SLC6A15: variants seen among roughly 807,000 people sequenced by gnomAD.
SLC6A15 encodes solute carrier family 6 member 15, also known as sodium-dependent neutral amino acid transporter B(0)AT2.
In SLC6A15, 33 loss-of-function variants were observed where a neutral mutation model predicts 68.5. The ratio of observed to expected loss-of-function variants is 0.48; its 90% CI spans 0.37 to 0.64. The LOEUF (loss-of-function observed/expected upper bound fraction) is 0.64, where lower values mean the gene tolerates loss of function less well. Ranked by LOEUF, SLC6A15 falls within the 30% of genes least tolerant of loss-of-function variation. The probability of loss-of-function intolerance (pLI) is 0.00; values close to 1 mark genes in which losing one functional copy is unlikely to be tolerated. For missense variants in SLC6A15, 747 were observed against 874.3 expected, an observed-to-expected ratio of 0.85 and a Z score of 1.84; for synonymous variants, 347 against 301.0, an observed-to-expected ratio of 1.15 and a Z score of -1.58.
chr12:84,910,156 A>C (rs1016974699), intron 1 of SLC6A15, among the ~76,000 whole-genome samples: 1 of 152,174 alleles, frequency 6.6e-6, no homozygotes, highest in Admixed American at 6.5e-5. Flanking sequence ...TTCGATTAAA[A>C]TACTACATCT....
In SLC6A15 at chr12:84,863,545, T is replaced by C. The variant is rs1342861741; in HGVS notation, c.1712A>G (p.Tyr571Cys). 1.9e-6 allele frequency: 3 copies of C among 1,591,890 alleles called. No individual in the cohort carries two copies. Among genetic ancestry groups the C allele is most frequent in the African/African-American group, 1.4e-5 (1 of 73,390 alleles). Residue 571 changes from tyrosine (Y) to cysteine (C), a missense_variant, in exon 11 of 12, where the codon TAT (tyrosine) becomes TGT (cysteine). Coordinates refer to ENST00000266682, the MANE Select transcript of SLC6A15 (RefSeq NM_182767.6). ...LGFAPSRYYY[Y>C]MWKYISPLML... ...TAGAGGAGAAATATATTTCCACATATAGTAGTAATATCTGCTGGGAGCAAA... is the reference window on the plus strand; with the variant it reads ...TAGAGGAGAAATATATTTCCACATACAGTAGTAATATCTGCTGGGAGCAAA...
intron 1 of SLC6A15, among the ~76,000 whole-genome samples, chr12:84,904,224 G>GGGGAGAGA (rs1555183253): frequency 2.5e-5 from 3 of 122,014 alleles, no homozygotes; most frequent in South Asian, 2.7e-4. Context: ...GGGCGGAGGG[G>GGGGAGAGA]GAGAGAGAGA....
intron 5 of SLC6A15, among the ~76,000 whole-genome samples, chr12:84,878,187 A>G (rs1592599358): frequency 6.6e-6 from 1 of 152,228 alleles, no homozygotes; most frequent in East Asian, 1.9e-4. Context: ...ATACTTTAGA[A>G]CACAATATTT....
intron 5 of SLC6A15, chr12:84,880,967 C>A: frequency 1.4e-6 from 1 of 696,384 alleles, no homozygotes. Flanking sequence ...TTCTGGCCAA[C>A]TATTTATTTT....
intron 2 of SLC6A15, among the ~76,000 whole-genome samples, chr12:84,889,237 T>A (rs1260683698): frequency 2.6e-5 from 4 of 152,204 alleles, no homozygotes; most frequent in Non-Finnish European, 5.9e-5. Context: ...ATGCCTGTAG[T>A]CCCAGCACTT....
chr12:84,867,186 A>G lies in SLC6A15; in HGVS notation c.1503T>C (p.Cys501=). ...GGCCAATACAAAATGCCAGAAGACA[A>G]CAGATAACTAGACAAAAGAAATAAA... ...KVRKEILTVI[C]CLLAFCIGLI... is the part of the protein sequence containing the mutation. The change falls in exon 10 of 12, where the codon TGT becomes TGC. Residue 501 remains cysteine, a synonymous_variant. Coordinates refer to ENST00000266682, the MANE Select transcript of SLC6A15 (RefSeq NM_182767.6). The G allele has an allele frequency of 6.3e-7, 1 of 1,594,840 alleles. No individual in the cohort carries two copies. Among genetic ancestry groups the G allele is most frequent in the Non-Finnish European group, 8.5e-7 (1 of 1,172,114 alleles).
At chr12:84,877,303 C>T (rs1205238545) in intron 5 of SLC6A15, among the ~76,000 whole-genome samples, 2 of 152,158 alleles carry the variant, frequency 1.3e-5, no homozygotes, top group East Asian at 3.9e-4. Context: ...AAAATGGCCC[C>T]ACCCTCCATC....
intron 1 of SLC6A15, among the ~76,000 whole-genome samples, chr12:84,909,100 T>C (rs1330970154): frequency 1.3e-5 from 2 of 152,136 alleles, no homozygotes; most frequent in African/African-American, 4.8e-5. Flanking sequence ...TATTACCAAA[T>C]AGCCCTTGAT....
At chr12:84,868,981 A>G (rs1200414845) in intron 9 of SLC6A15, among the ~76,000 whole-genome samples, 1 of 152,140 alleles carries the variant, frequency 6.6e-6, no homozygotes, top group Non-Finnish European at 1.5e-5. Flanking sequence ...GCAGTTTCTC[A>G]TTTCTGTTCA....
At chr12:84,909,727 G>A (rs1179273878) in intron 1 of SLC6A15, among the ~76,000 whole-genome samples, 1 of 152,136 alleles carries the variant, frequency 6.6e-6, no homozygotes, top group African/African-American at 2.4e-5. Flanking sequence ...TCCACAAGGT[G>A]AGAGGTCCAT....
intron 2 of SLC6A15, among the ~76,000 whole-genome samples, chr12:84,886,827 CAT>C (rs1872130531): frequency 6.6e-6 from 1 of 152,118 alleles, no homozygotes; most frequent in African/African-American, 2.4e-5. Flanking sequence ...CAAATTAAGA[CAT>C]ATGACTATGA....
Position 84,910,928 on chromosome 12 carries a change from C to CGTGTGTGTGTGTGTGTGTGTGTGTGTGT in SLC6A15, c.-189+1594_-189+1595insACACACACACACACACACACACACACAC, listed in dbSNP as rs34335324. Among the ~76,000 whole-genome samples, 4 of 143,546 alleles carry CGTGTGTGTGTGTGTGTGTGTGTGTGTGT rather than the reference C, an allele frequency of 2.8e-5. No homozygotes were observed. The East Asian group carries it at 5.9e-4, about 21-fold the overall frequency. 94.2% of individuals were successfully genotyped at this position (143,546 alleles called of 152,430 possible). On this transcript the variant is annotated intron_variant, in intron 1 of 11. Transcript: ENST00000266682. ...ATTTGCTGTTGAGCCGCCCTCTTTC[C>CGTGTGTGTGTGTGTGTGTGTGTGTGTGT]GTGTGTGTGTGTGTGTGTGTGTGTG...
intron 2 of SLC6A15, among the ~76,000 whole-genome samples, chr12:84,890,438 CT>C (rs1219074401): frequency 6.6e-6 from 1 of 152,122 alleles, no homozygotes; most frequent in Non-Finnish European, 1.5e-5. Flanking sequence ...TTCTGCTAGT[CT>C]TGGCAAATGG....
At chr12:84,876,642 C>A in intron 5 of SLC6A15, 35 bp from the exon 6 acceptor site, 8 of 1,023,450 alleles carry the variant, frequency 7.8e-6, no homozygotes, top group Non-Finnish European at 1.2e-5. Flanking sequence ...AAGTGAGATA[C>A]AATGACCATT....
Position 84,885,935 on chromosome 12 carries a change from G to C in SLC6A15, c.423C>G (p.Gly141=), listed in dbSNP as rs767044182. 3.7e-6 allele frequency: 6 copies of C among 1,607,888 alleles called. No individual in the cohort carries two copies. The East Asian group carries it at 1.3e-4, about 36-fold the overall frequency. The change falls in exon 3 of 12, where the codon GGC becomes GGG. Residue 141 remains glycine, a synonymous_variant. Transcript: ENST00000266682. Reference sequence around the variant, plus strand: ...CTACACAACTTGCAAATCCAATCCCGCCCAGTTTAGGGCTTATGTAATTCC... The same window carrying C: ...CTACACAACTTGCAAATCCAATCCCCCCCAGTTTAGGGCTTATGTAATTCC... ...GVWNYISPKL[G]GIGFASCVVC...
At chr12:84,898,934 A>T (rs943438473) in intron 1 of SLC6A15, among the ~76,000 whole-genome samples, 5 of 152,352 alleles carry the variant, frequency 3.3e-5, no homozygotes, top group African/African-American at 1.2e-4. Flanking sequence ...AGTGTGAACT[A>T]GGCTTACATG....
At chr12:84,883,058 A>T in intron 5 of SLC6A15, 1 of 985,252 alleles carries the variant, frequency 1.0e-6, no homozygotes. Context: ...GCACAGCTGG[A>T]CAGTTAAACG....
intron 5 of SLC6A15, chr12:84,882,451 T>G (rs748941095): frequency 3.7e-5 from 36 of 960,406 alleles, no homozygotes; most frequent in Admixed American, 6.2e-5. Context: ...AGAGTTTCCT[T>G]CAGGAAGATA....
chr12:84,869,005 T>C (rs1871174471), intron 9 of SLC6A15, among the ~76,000 whole-genome samples: 1 of 152,204 alleles, frequency 6.6e-6, no homozygotes, highest in Non-Finnish European at 1.5e-5. Context: ...GAATTGTGGA[T>C]ATATAGCTAT....
Sources: allele counts gnomAD v4.1 joint callset (sites outside exome capture counted in the v4.1 genomes callset), GRCh38; gene constraint gnomAD v4.1.1; transcripts MANE v1.5; gene names NCBI Gene and HGNC (gene_info 2026-07-23, HGNC 2026-07-21).